PPFIBP2: variants seen among roughly 807,000 people sequenced by gnomAD.
The protein encoded by PPFIBP2 is liprin-beta-2.
In PPFIBP2, 118 loss-of-function variants were observed where a neutral mutation model predicts 118.3. The observed-to-expected ratio is 1.00, with a 90% CI of 0.86 to 1.16. PPFIBP2 has a LOEUF of 1.16. Ranked by LOEUF, PPFIBP2 falls within the 50% of genes most tolerant of loss-of-function variation. PPFIBP2 has a pLI of 0.00. For missense variants in PPFIBP2, 1,195 were observed against 1,073.1 expected (o/e 1.11, Z -1.59); for synonymous variants, 414 against 397.4 (o/e 1.04, Z -0.50).
chr11:7,536,828 G>A (rs1477421436), intron 1 of PPFIBP2, among the ~76,000 whole-genome samples: 1 of 152,136 alleles, frequency 6.6e-6, no homozygotes, highest in African/African-American at 2.4e-5. Flanking sequence ...TCAAGCTGGA[G>A]AGAGGTGAGG....
chr11:7,573,606 G>A (rs576658206), intron 3 of PPFIBP2, among the ~76,000 whole-genome samples: 1 of 152,328 alleles, frequency 6.6e-6, no homozygotes, highest in East Asian at 1.9e-4. Flanking sequence ...CCTTTGTACT[G>A]ATCTATTTTG....
chr11:7,534,777 C>G (rs575953802), intron 1 of PPFIBP2, among the ~76,000 whole-genome samples: 5 of 152,312 alleles, frequency 3.3e-5, no homozygotes, highest in Middle Eastern at 6.8e-3. Context: ...GGTCCATAAG[C>G]CAGACACCAA....
chr11:7,599,241 G>A (rs996243232), intron 5 of PPFIBP2, among the ~76,000 whole-genome samples: 29 of 152,040 alleles, frequency 1.9e-4, no homozygotes, highest in African/African-American at 6.8e-4. Flanking sequence ...GTCTGCACAA[G>A]GTGTGTTTTT....
intron 1 of PPFIBP2, among the ~76,000 whole-genome samples, chr11:7,515,095 T>C (rs1849121723): frequency 6.6e-6 from 1 of 152,234 alleles, no homozygotes. Context: ...TATTCAGTCT[T>C]TCATTATTAT....
intron 5 of PPFIBP2, among the ~76,000 whole-genome samples, chr11:7,606,886 A>ATTTTGTTTTTTT (rs1847409436): frequency 1.9e-5 from 1 of 51,352 alleles, no homozygotes; most frequent in Non-Finnish European, 3.7e-5. Flanking sequence ...AACTGCATGA[A>ATTTTGTTTTTTT]TTTTTTTTTT....
the PPFIBP2 span, chr11:7,666,563 C>T: frequency 3.7e-6 from 6 of 1,602,586 alleles, no homozygotes; most frequent in South Asian, 4.4e-5. Context: ...AGAAAAGAAG[C>T]AACACTGAAA....
chr11:7,531,693 G>A (rs539687536), intron 1 of PPFIBP2, among the ~76,000 whole-genome samples: 2 of 152,124 alleles, frequency 1.3e-5, no homozygotes, highest in South Asian at 4.2e-4. Context: ...AGTTTGCTTG[G>A]GCTGCCATAA....
At position 7,535,131 on chromosome 11, in the gene PPFIBP2, G is replaced by A. The variant is rs537685251; in HGVS notation, c.-36-14309G>A. Among the ~76,000 whole-genome samples, 12 of 152,354 alleles carry A rather than the reference G, an allele frequency of 7.9e-5. No homozygotes were observed. The South Asian group carries it at 2.5e-3, about 32-fold the overall frequency. On this transcript the variant is annotated intron_variant, in intron 1 of 23. Coordinates refer to ENST00000299492, the MANE Select transcript of PPFIBP2 (RefSeq NM_003621.5). ...CAGGGGAGGAAATCCTGGAAAGAGAGGAAGTTAGTATCCTCCCATTGGGTC... is the reference window on the plus strand; with the variant it reads ...CAGGGGAGGAAATCCTGGAAAGAGAAGAAGTTAGTATCCTCCCATTGGGTC...
At chr11:7,604,099 C>A (rs1039916943) in intron 5 of PPFIBP2, among the ~76,000 whole-genome samples, 1 of 152,146 alleles carries the variant, frequency 6.6e-6, no homozygotes. Flanking sequence ...CAGCCTGGAT[C>A]AGAGTTGACT....
chr11:7,566,763 C>A (rs7116212), intron 3 of PPFIBP2, among the ~76,000 whole-genome samples: 9 of 151,942 alleles, frequency 5.9e-5, no homozygotes, highest in Non-Finnish European at 1.5e-5. Context: ...GTGAAATTTC[C>A]TTACATGTAT....
Position 7,631,298 on chromosome 11 carries a change from C to CT in PPFIBP2, c.1068+278dup, listed in dbSNP as rs755161151. On this transcript the variant is annotated intron_variant, in intron 11 of 23. Transcript: ENST00000299492. ...AATCAGGCTCCTAGTTTATTTTTAT[C>CT]TTTTTTTTCTCTGGAATGTAAGCAT... 232 of 350,268 alleles carry CT rather than the reference C, an allele frequency of 6.6e-4. 1 individual carries two copies. Among genetic ancestry groups the CT allele is most frequent in the African/African-American group, 4.0e-3 (195 of 48,868 alleles). 21.7% of individuals were successfully genotyped at this position (350,268 alleles called of 1,614,324 possible). A position where few individuals can be genotyped will look rare whatever the true frequency, so the allele number is the denominator to read the frequency against.
At chr11:7,517,222 C>T (rs936321678) in intron 1 of PPFIBP2, among the ~76,000 whole-genome samples, 4 of 152,070 alleles carry the variant, frequency 2.6e-5, no homozygotes, top group African/African-American at 4.8e-5. Context: ...AACTGTTGTC[C>T]GGCTGCTAGA....
chr11:7,610,567 C>A, intron 6 of PPFIBP2, 145 bp downstream of exon 6: 5 of 1,181,618 alleles, frequency 4.2e-6, no homozygotes, highest in Non-Finnish European at 5.8e-6. Flanking sequence ...CTGTTAATAC[C>A]AAGTTATCAG....
Position 7,652,996 on chromosome 11 carries a change from T to C in PPFIBP2, c.2437-28T>C, listed in dbSNP as rs143444560. The C allele has an allele frequency of 4.3e-4, 691 of 1,590,028 alleles. 3 individuals carry two copies. The African/African-American group carries it at 8.3e-3, about 19-fold the overall frequency. The stretch of plus-strand genomic sequence containing the variant: ...CCTGCACACTGCCTTGATTGCCTTC[T>C]CATAATCTTGCATTTTCTGTGTTTT... On this transcript the variant is annotated intron_variant, in intron 23 of 23. Transcript: ENST00000299492.
rs886888077 is a variant in PPFIBP2 at position 7,636,324 on chromosome 11, G to A, written c.1236+731G>A. 3.9e-5 allele frequency among the ~76,000 whole-genome samples: 6 copies of A among 151,976 alleles called. No homozygotes were observed. In the South Asian group the frequency reaches 6.2e-4, roughly 16 times the overall value. On this transcript the variant is annotated intron_variant, in intron 14 of 23. Transcript: ENST00000299492. ...GGCATCTCTGCTCCTCCACATCTGC[G>A]TAAGAGAAAGATCTTTTCTGCACGT...
intron 5 of PPFIBP2, among the ~76,000 whole-genome samples, chr11:7,607,857 TG>T (rs1434842223): frequency 6.6e-6 from 1 of 152,220 alleles, no homozygotes; most frequent in Non-Finnish European, 1.5e-5. Flanking sequence ...TTAATTTTTA[TG>T]ATTTATTTTT....
intron 10 of PPFIBP2, 125 bp from the exon 11 acceptor site, chr11:7,630,800 C>A: frequency 1.4e-6 from 1 of 730,254 alleles, no homozygotes; most frequent in South Asian, 1.6e-5. Context: ...CACACTCTTA[C>A]TGTCCCTTTA....
chr11:7,665,515 G>T, the PPFIBP2 span: 9 of 1,612,460 alleles, frequency 5.6e-6, no homozygotes, highest in Non-Finnish European at 7.6e-6. Flanking sequence ...TGATCATGTC[G>T]GCAGTAACGA....
rs1428233954 is a variant in PPFIBP2, at chr11:7,653,579, C to G, written c.*361C>G. 2.3e-6 allele frequency: 3 copies of G among 1,305,516 alleles called. No homozygotes were observed. Among genetic ancestry groups the G allele is most frequent in the Non-Finnish European group, 3.0e-6 (3 of 1,000,112 alleles). 80.9% of individuals were successfully genotyped at this position (1,305,516 alleles called of 1,614,324 possible). On this transcript the variant is annotated 3_prime_UTR_variant, in exon 24 of 24. Transcript: ENST00000299492. ...CCACGAGGCTCAGCTCTCAGGCACC[C>G]CCTACACTTCAGTTGAGGGAAAAGC...
Sources: gnomAD v4.1 joint callset for allele counts (sites outside exome capture counted in the v4.1 genomes callset) on GRCh38, gnomAD v4.1.1 for gene constraint, MANE v1.5 for transcripts, NCBI Gene and HGNC (gene_info 2026-07-23, HGNC 2026-07-21) for gene names.